SPAG16: variants seen among roughly 807,000 people sequenced by gnomAD.
The protein encoded by SPAG16 is sperm associated antigen 16.
Under a neutral mutation model 80.4 loss-of-function variants are expected in SPAG16, and 86 were observed. The observed-to-expected ratio is 1.07, with a 90% CI of 0.90 to 1.28. The LOEUF is 1.28. Among genes scored for constraint, SPAG16 ranks in the 50% most tolerant of loss-of-function variants. SPAG16 has a pLI of 0.00. For missense variants in SPAG16, 870 were observed against 765.3 expected (o/e 1.14, Z -1.61); for synonymous variants, 294 against 265.9 (o/e 1.11, Z -1.03).
chr2:214,230,594 C>T (rs1223246108), intron 15 of SPAG16, among the ~76,000 whole-genome samples: 2 of 151,986 alleles, frequency 1.3e-5, no homozygotes, highest in Non-Finnish European at 2.9e-5. Flanking sequence ...AGGTTGCTTT[C>T]AGAGTTTGCT....
intron 15 of SPAG16, among the ~76,000 whole-genome samples, chr2:214,405,338 G>C (rs1447089120): frequency 6.6e-6 from 1 of 152,098 alleles, no homozygotes; most frequent in Admixed American, 6.6e-5. Flanking sequence ...TGTTGTCCAA[G>C]CTGCTCTCAA....
intron 15 of SPAG16, among the ~76,000 whole-genome samples, chr2:214,189,306 G>A (rs1044586719): frequency 6.6e-6 from 1 of 151,860 alleles, no homozygotes; most frequent in Non-Finnish European, 1.5e-5. Flanking sequence ...GACTAAAGGG[G>A]AATTTTAGGA....
chr2:213,996,551 C>T (rs1015758828), intron 12 of SPAG16, among the ~76,000 whole-genome samples: 1 of 150,706 alleles, frequency 6.6e-6, no homozygotes, highest in Admixed American at 6.6e-5. Context: ...GGAAGCTCTC[C>T]TACTAATGCT....
intron 9 of SPAG16, among the ~76,000 whole-genome samples, chr2:213,466,545 G>A (rs899335928): frequency 5.3e-5 from 8 of 152,170 alleles, no homozygotes; most frequent in Admixed American, 6.5e-5. Context: ...TTGTTTGAGG[G>A]TTTGAGGAGG....
intron 10 of SPAG16, among the ~76,000 whole-genome samples, chr2:213,541,089 A>C (rs1431173171): frequency 6.6e-6 from 1 of 152,238 alleles, no homozygotes; most frequent in Non-Finnish European, 1.5e-5. Flanking sequence ...TACTATTGTT[A>C]CCATGGTTTT....
intron 9 of SPAG16, among the ~76,000 whole-genome samples, chr2:213,381,955 C>T (rs992247747): frequency 3.3e-5 from 5 of 152,176 alleles, no homozygotes; most frequent in Admixed American, 6.5e-5. Flanking sequence ...TGTCTTTCAG[C>T]GCTCCCATTG....
chr2:213,577,641 GC>G (rs2060172985), intron 10 of SPAG16, among the ~76,000 whole-genome samples: 1 of 152,068 alleles, frequency 6.6e-6, no homozygotes, highest in South Asian at 2.1e-4. Flanking sequence ...TTATGTTTTT[GC>G]TCCTTTATGT....
chr2:213,953,806 A>G (rs931433530), intron 12 of SPAG16, among the ~76,000 whole-genome samples: 6 of 152,034 alleles, frequency 3.9e-5, no homozygotes, highest in Admixed American at 6.5e-5. Flanking sequence ...CATCCTTTAC[A>G]TAAAAAAATG....
chr2:214,173,505 G>A (rs944765925), intron 15 of SPAG16, among the ~76,000 whole-genome samples: 10 of 151,940 alleles, frequency 6.6e-5, no homozygotes, highest in Non-Finnish European at 1.2e-4. Context: ...CTGTAGCCTT[G>A]TAGTATAGTA....
intron 7 of SPAG16, among the ~76,000 whole-genome samples, chr2:213,354,326 G>T (rs1575329777): frequency 6.6e-6 from 1 of 152,138 alleles, no homozygotes; most frequent in East Asian, 1.9e-4. Context: ...TTGCTATTGT[G>T]AACGGTGCCG....
chr2:213,315,034 CAT>C (rs2063343347), intron 4 of SPAG16, among the ~76,000 whole-genome samples: 1 of 151,634 alleles, frequency 6.6e-6, no homozygotes, highest in African/African-American at 2.4e-5. Context: ...AAATATGTAA[CAT>C]TATTATGATT....
intron 15 of SPAG16, among the ~76,000 whole-genome samples, chr2:214,252,736 A>C (rs1448063160): frequency 6.6e-6 from 1 of 152,152 alleles, no homozygotes; most frequent in Non-Finnish European, 1.5e-5. Flanking sequence ...TGCTATTGTG[A>C]ATAGTGCCGC....
At chr2:213,664,875 C>T (rs950475143) in intron 10 of SPAG16, among the ~76,000 whole-genome samples, 10 of 151,994 alleles carry the variant, frequency 6.6e-5, no homozygotes, top group African/African-American at 2.4e-4. Flanking sequence ...ATTGACCCTT[C>T]TAAGTGGGTT....
At chr2:214,024,650 A>G (rs1403398126) in intron 13 of SPAG16, among the ~76,000 whole-genome samples, 2 of 151,594 alleles carry the variant, frequency 1.3e-5, no homozygotes, top group Non-Finnish European at 3.0e-5. Flanking sequence ...TCTTCCTTTT[A>G]TTCAGATTGA....
chr2:214,403,237 G>A (rs1330055471), intron 15 of SPAG16, among the ~76,000 whole-genome samples: 1 of 151,242 alleles, frequency 6.6e-6, no homozygotes, highest in Admixed American at 6.6e-5. Flanking sequence ...ATAAAAATAT[G>A]TGATATGTGA....
chr2:213,611,832 A>G (rs1030259498), intron 10 of SPAG16, among the ~76,000 whole-genome samples: 1 of 152,130 alleles, frequency 6.6e-6, no homozygotes, highest in Non-Finnish European at 1.5e-5. Context: ...TTACAATTGA[A>G]ACCACAGATT....
intron 10 of SPAG16, among the ~76,000 whole-genome samples, chr2:213,735,942 T>G (rs2067262701): frequency 6.6e-6 from 1 of 152,132 alleles, no homozygotes; most frequent in African/African-American, 2.4e-5. Context: ...ATGAGGGAAA[T>G]GACAGGCAGA....
rs1014130820 is a variant in SPAG16 at position 213,978,199 on chromosome 2, C to T, written c.1401-35752C>T. Among the ~76,000 whole-genome samples, 30 of 151,996 alleles carry T rather than the reference C, an allele frequency of 2.0e-4. 1 individual carries two copies. The highest frequency in any genetic ancestry group is 2.0e-3 in the Admixed American group (30 of 15,220). Reference sequence around the variant, plus strand: ...AACCAGTCCTTAACTGATAAGTCTCCTCTCACATTTTACTCTAAACAGAGT... The same window carrying T: ...AACCAGTCCTTAACTGATAAGTCTCTTCTCACATTTTACTCTAAACAGAGT... On this transcript the variant is annotated intron_variant, in intron 12 of 15. Coordinates refer to ENST00000331683, the MANE Select transcript of SPAG16 (RefSeq NM_024532.5).
intron 6 of SPAG16, among the ~76,000 whole-genome samples, chr2:213,343,708 A>C (rs2064814603): frequency 6.6e-6 from 1 of 152,150 alleles, no homozygotes; most frequent in Non-Finnish European, 1.5e-5. Flanking sequence ...TGAAAAATTT[A>C]CTAATAGGTC....
Sources: allele counts gnomAD v4.1 joint callset (sites outside exome capture counted in the v4.1 genomes callset), GRCh38; gene constraint gnomAD v4.1.1; transcripts MANE v1.5; gene names NCBI Gene and HGNC (gene_info 2026-07-23, HGNC 2026-07-21).